Variants in ACVR1 observed in about 807,000 individuals in gnomAD.
The protein encoded by ACVR1 is activin receptor type-1.
In ACVR1, 38 loss-of-function variants were observed where a neutral mutation model predicts 57.1. The ratio of observed to expected loss-of-function variants is 0.67; its 90% CI spans 0.51 to 0.87. The LOEUF is 0.87. ACVR1 is among the 40% of genes least tolerant of loss of function. The pLI is 0.00. For synonymous variants in ACVR1, 212 were observed against 228.1 expected (o/e 0.93, Z 0.63); for missense variants, 463 against 638.2 (o/e 0.73, Z 2.96).
At chr2:157,813,635 C>T (rs1008961185) in intron 2 of ACVR1, among the ~76,000 whole-genome samples, 3 of 152,188 alleles carry the variant, frequency 2.0e-5, no homozygotes, top group Non-Finnish European at 2.9e-5. Context: ...ATAATCACAG[C>T]AACAATTACT....
intron 2 of ACVR1, among the ~76,000 whole-genome samples, chr2:157,805,710 C>T (rs902092798): frequency 1.3e-5 from 2 of 151,342 alleles, no homozygotes; most frequent in African/African-American, 4.9e-5. Flanking sequence ...AACCCACCAC[C>T]ACTCTACACA....
At chr2:157,770,662 A>C in intron 6 of ACVR1, 148 bp from the exon 7 acceptor site, 1 of 854,398 alleles carries the variant, frequency 1.2e-6, no homozygotes, top group Non-Finnish European at 1.9e-6. Context: ...TAAATATCAC[A>C]ACCTTTATTT....
chr2:157,860,643 T>A (rs1036737), intron 1 of ACVR1, among the ~76,000 whole-genome samples: 146,068 of 152,276 alleles, frequency 0.96, 70,350 homozygotes, highest in East Asian at 1. Flanking sequence ...CCTTATACAC[T>A]ATTAAGGTTT....
chr2:157,742,084 A>C (rs1684797057), intron 9 of ACVR1, among the ~76,000 whole-genome samples: 2 of 152,210 alleles, frequency 1.3e-5, no homozygotes, highest in Admixed American at 6.5e-5. Flanking sequence ...CCGGGGGAGA[A>C]GAAGGGGACA....
chr2:157,836,010 G>C (rs1181234640), intron 1 of ACVR1, among the ~76,000 whole-genome samples: 1 of 152,144 alleles, frequency 6.6e-6, no homozygotes, highest in African/African-American at 2.4e-5. Flanking sequence ...GAAAACCAAA[G>C]TGTTATACCT....
At chr2:157,867,348 GAAGGCTATGTGCC>G (rs562220961) in intron 1 of ACVR1, among the ~76,000 whole-genome samples, 4 of 152,194 alleles carry the variant, frequency 2.6e-5, no homozygotes, top group Non-Finnish European at 5.9e-5. Context: ...TTGGCTAACA[GAAGGCTATGTGCC>G]AAGGCCTCAA....
At chr2:157,764,457 C>G (rs1344002701) in intron 8 of ACVR1, among the ~76,000 whole-genome samples, 2 of 151,570 alleles carry the variant, frequency 1.3e-5, no homozygotes, top group Non-Finnish European at 2.9e-5. Context: ...ATCCTTCCGC[C>G]TCGGCCTCCC....
intron 2 of ACVR1, among the ~76,000 whole-genome samples, chr2:157,807,854 T>TGGGGGG (rs57885640): frequency 9.6e-5 from 3 of 31,114 alleles, no homozygotes; most frequent in Non-Finnish European, 2.1e-4. Flanking sequence ...TATAATAATT[T>TGGGGGG]GGGGGGGGGG....
At chr2:157,834,223 CT>C (rs1688693977) in intron 1 of ACVR1, among the ~76,000 whole-genome samples, 1 of 152,182 alleles carries the variant, frequency 6.6e-6, no homozygotes, top group African/African-American at 2.4e-5. Context: ...TCCTGAGTAG[CT>C]GGGATTACAG....
chr2:157,762,127 C>G (rs1685681573), intron 8 of ACVR1, among the ~76,000 whole-genome samples: 1 of 152,154 alleles, frequency 6.6e-6, no homozygotes. Context: ...TAATCAACCC[C>G]AAGATTCTAT....
At chr2:157,844,784 T>C (rs1320513315) in intron 1 of ACVR1, among the ~76,000 whole-genome samples, 2 of 152,162 alleles carry the variant, frequency 1.3e-5, no homozygotes, top group Non-Finnish European at 1.5e-5. Flanking sequence ...AATGAGATAG[T>C]ATTAAGAGGG....
rs1158969294 is a variant in ACVR1 at position 157,799,439 on chromosome 2, G to C, written c.55C>G (p.Pro19Ala). ...GTGAGTCACTTACCTTCCATACTAG[G>C]GGAGGGGAGAGCAATCATGATAAGC... ...PVLIMIALPS[P>A]SMEDEKPKVN... Residue 19 changes from proline to alanine, a missense_variant, in exon 3 of 11, where the codon CCT (proline) becomes GCT (alanine). Physicochemically the swap from Pro to Ala is conservative, Grantham distance 27. Around this residue, in one of 3 missense-constraint regions of ACVR1, gnomAD observed 203 missense variants for 235.5 expected, o/e 0.86. Coordinates refer to ENST00000434821, the MANE Select transcript of ACVR1 (RefSeq NM_001111067.4). 1 of 1,611,432 alleles carries C rather than the reference G, an allele frequency of 6.2e-7. No homozygotes were observed. Among genetic ancestry groups the C allele is most frequent in the Admixed American group, 1.7e-5 (1 of 59,952 alleles).
chr2:157,859,646 G>A (rs1216707788), intron 1 of ACVR1, among the ~76,000 whole-genome samples: 2 of 152,018 alleles, frequency 1.3e-5, no homozygotes, highest in Non-Finnish European at 2.9e-5. Context: ...CCACCCTACA[G>A]ATCAGATCAA....
chr2:157,860,953 T>C (rs1014303511), intron 1 of ACVR1, among the ~76,000 whole-genome samples: 1 of 152,202 alleles, frequency 6.6e-6, no homozygotes, highest in African/African-American at 2.4e-5. Context: ...ATTGATGCCA[T>C]CACTGCTGAC....
intron 3 of ACVR1, among the ~76,000 whole-genome samples, chr2:157,788,116 T>C (rs1433654609): frequency 1.3e-5 from 2 of 152,108 alleles, no homozygotes; most frequent in Non-Finnish European, 2.9e-5. Context: ...AAGGTGAAAA[T>C]GTCCTGACTT....
intron 1 of ACVR1, among the ~76,000 whole-genome samples, chr2:157,850,484 T>C (rs151012416): frequency 3.3e-5 from 5 of 151,654 alleles, no homozygotes; most frequent in East Asian, 3.9e-4. Flanking sequence ...ACTTAGAAAG[T>C]AGTAATCCCT....
intron 1 of ACVR1, among the ~76,000 whole-genome samples, chr2:157,828,364 C>A (rs1026936834): frequency 6.9e-6 from 1 of 145,276 alleles, no homozygotes; most frequent in Non-Finnish European, 1.5e-5. Context: ...GCGGGAGAAT[C>A]GATTGAACTT....
intron 1 of ACVR1, among the ~76,000 whole-genome samples, chr2:157,839,144 T>C (rs1688889669): frequency 6.6e-6 from 1 of 152,202 alleles, no homozygotes; most frequent in Non-Finnish European, 1.5e-5. Context: ...AGCCACAGGC[T>C]CCTGCTCACT....
At chr2:157,825,813 G>A (rs1688325226) in intron 1 of ACVR1, among the ~76,000 whole-genome samples, 1 of 152,178 alleles carries the variant, frequency 6.6e-6, no homozygotes. Flanking sequence ...AGAGCATCTT[G>A]AGTGAAGAGG....
Sources: gnomAD v4.1 joint callset for allele counts (sites outside exome capture counted in the v4.1 genomes callset) on GRCh38, gnomAD v4.1.1 for gene constraint, gnomAD v4.1.1 regional missense constraint, MANE v1.5 for transcripts, NCBI Gene and HGNC (gene_info 2026-07-23, HGNC 2026-07-21) for gene names.